Variants in SLC4A4 observed in about 807,000 individuals in gnomAD.
The protein encoded by SLC4A4 is solute carrier family 4 member 4.
Under a neutral mutation model 111.5 loss-of-function variants are expected in SLC4A4, and 27 were observed. The observed-to-expected ratio is 0.24, with a 90% CI of 0.18 to 0.33. The LOEUF (loss-of-function observed/expected upper bound fraction) is 0.33. Among genes scored for constraint, SLC4A4 ranks in the 10% least tolerant of loss-of-function variants. The probability of loss-of-function intolerance (pLI) is 1.00; values close to 1 mark genes in which losing one functional copy is unlikely to be tolerated. For missense variants in SLC4A4, 909 were observed against 1,315.5 expected (o/e 0.69, Z 4.78); for synonymous variants, 443 against 463.4 (o/e 0.96, Z 0.57).
intron 2 of SLC4A4, among the ~76,000 whole-genome samples, chr4:71,114,568 A>C (rs962575551): frequency 6.0e-5 from 9 of 150,874 alleles, no homozygotes; most frequent in African/African-American, 1.2e-4. Context: ...TTATGCAGTC[A>C]AAAAACACAT....
chr4:71,105,223 A>C (rs1486513837), intron 2 of SLC4A4, among the ~76,000 whole-genome samples: 1 of 150,120 alleles, frequency 6.7e-6, no homozygotes, highest in East Asian at 2.0e-4. Flanking sequence ...AGGGATGTGA[A>C]GGACCTCTTC....
intron 11 of SLC4A4, among the ~76,000 whole-genome samples, chr4:71,452,245 T>C (rs1006052360): frequency 6.6e-6 from 1 of 152,216 alleles, no homozygotes; most frequent in Non-Finnish European, 1.5e-5. Context: ...TCTGAAAGGA[T>C]AGAGAACATA....
intron 20 of SLC4A4, among the ~76,000 whole-genome samples, chr4:71,548,395 A>G (rs1354936806): frequency 6.6e-6 from 1 of 151,924 alleles, no homozygotes; most frequent in African/African-American, 2.4e-5. Flanking sequence ...AGATAGATAA[A>G]TGCAAACTGT....
chr4:71,260,634 TAC>T (rs1283934739), intron 3 of SLC4A4, among the ~76,000 whole-genome samples: 6 of 152,202 alleles, frequency 3.9e-5, no homozygotes, highest in African/African-American at 1.2e-4. Flanking sequence ...TTTTAAAACT[TAC>T]AGTTTGCCTT....
chr4:71,250,203 C>T (rs1317818344), intron 2 of SLC4A4, among the ~76,000 whole-genome samples: 1 of 152,078 alleles, frequency 6.6e-6, no homozygotes, highest in Non-Finnish European at 1.5e-5. Context: ...ATAGCTACAA[C>T]ATGTCTTGGG....
rs961247329 is a variant in SLC4A4, at chr4:71,533,944, A to G, written c.2281-283A>G. ...CTTTAAACTTAAATCAGTTTCTTCC[A>G]TTTTGAGTCCTTATCTTAAACCATC... On this transcript the variant is annotated intron_variant, in intron 17 of 25. Coordinates refer to ENST00000264485, the MANE Select transcript of SLC4A4 (RefSeq NM_001098484.3). Among the ~76,000 whole-genome samples the G allele has an allele frequency of 2.0e-5, 3 of 151,920 alleles. No homozygotes were observed. In the South Asian group the frequency reaches 6.2e-4, roughly 32 times the overall value.
chr4:71,467,643 A>G (rs4328885), intron 13 of SLC4A4, among the ~76,000 whole-genome samples: 62,937 of 151,956 alleles, frequency 0.41, 14,559 homozygotes, highest in East Asian at 0.65. Context: ...TTTCTAATGG[A>G]CATTGCAATT....
At chr4:71,567,150 G>A in intron 25 of SLC4A4, 67 bp downstream of exon 25, 1 of 1,243,360 alleles carries the variant, frequency 8.0e-7, no homozygotes, top group South Asian at 1.3e-5. Context: ...GTAGTTAATG[G>A]TGGGTTATTG....
intron 2 of SLC4A4, among the ~76,000 whole-genome samples, chr4:71,106,314 T>C (rs369591105): frequency 0.012 from 1,781 of 147,798 alleles, 21 homozygotes; most frequent in African/African-American, 0.04. Context: ...AACACTTTTA[T>C]ACTGTTGGTG....
intron 15 of SLC4A4, among the ~76,000 whole-genome samples, chr4:71,490,366 C>T (rs1164888834): frequency 1.3e-5 from 2 of 151,766 alleles, no homozygotes; most frequent in Non-Finnish European, 2.9e-5. Context: ...CCTTAAAATA[C>T]ACAGTTCTGA....
At chr4:71,485,061 A>T (rs115130706) in intron 14 of SLC4A4, among the ~76,000 whole-genome samples, 2,361 of 151,912 alleles carry the variant, frequency 0.016, 30 homozygotes, top group Middle Eastern at 0.054. Flanking sequence ...GGTTTTCTAG[A>T]TGCAGGATCA....
Position 71,411,283 on chromosome 4 carries a change from G to T in SLC4A4, c.807+13630G>T, listed in dbSNP as rs566072061. Among the ~76,000 whole-genome samples, 7 of 152,232 alleles carry T rather than the reference G, an allele frequency of 4.6e-5. No homozygotes were observed. In the South Asian group the frequency reaches 1.5e-3, roughly 32 times the overall value. ...ATGCTGCTTTTGTTCACTGAAATGT[G>T]CTTCCTTGTCCAGGCAACTGGTGTT... On this transcript the variant is annotated intron_variant, in intron 7 of 25. Coordinates refer to ENST00000264485, the MANE Select transcript of SLC4A4 (RefSeq NM_001098484.3).
chr4:71,212,427 G>A (rs4694386), intron 1 of SLC4A4, among the ~76,000 whole-genome samples: 18,117 of 152,196 alleles, frequency 0.12, 1,780 homozygotes, highest in African/African-American at 0.25. Context: ...CTGGAGCTGG[G>A]CAGAAGGTGG....
rs149527384 is a variant in SLC4A4 at position 71,491,269 on chromosome 4, C to A, written c.1974+4251C>A. ...CTAAATAAGTACATCAACAACTTAA[C>A]CTTGAGGCTTTTATTAGTGGTATCA... On this transcript the variant is annotated intron_variant, in intron 15 of 25. Coordinates refer to ENST00000264485, the MANE Select transcript of SLC4A4 (RefSeq NM_001098484.3). Among the ~76,000 whole-genome samples, 132 of 151,962 alleles carry A rather than the reference C, an allele frequency of 8.7e-4. 1 individual carries two copies. Among genetic ancestry groups the A allele is most frequent in the African/African-American group, 3.0e-3 (124 of 41,518 alleles).
chr4:71,477,756 C>T (rs538684312), intron 14 of SLC4A4, among the ~76,000 whole-genome samples: 7 of 151,944 alleles, frequency 4.6e-5, no homozygotes, highest in African/African-American at 1.7e-4. Context: ...CACTTGTTTT[C>T]TCTTCTGTCC....
intron 4 of SLC4A4, among the ~76,000 whole-genome samples, chr4:71,348,361 T>C (rs1234051478): frequency 6.7e-6 from 1 of 150,252 alleles, no homozygotes; most frequent in Non-Finnish European, 1.5e-5. Context: ...ACACTAGAAG[T>C]CTTTCATTCT....
intron 7 of SLC4A4, among the ~76,000 whole-genome samples, chr4:71,406,321 A>AG (rs1245723144): frequency 2.5e-4 from 3 of 11,798 alleles, no homozygotes; most frequent in Non-Finnish European, 7.9e-4. Context: ...ATGAGCCAAC[A>AG]CTTTTTTTTT....
chr4:71,156,113 G>A (rs1381561987), intron 2 of SLC4A4, among the ~76,000 whole-genome samples: 5 of 152,132 alleles, frequency 3.3e-5, no homozygotes, highest in Admixed American at 6.6e-5. Flanking sequence ...TGGACTTGTG[G>A]GAATGATGAT....
chr4:71,419,594 C>T (rs931782316), intron 7 of SLC4A4, among the ~76,000 whole-genome samples: 24 of 152,232 alleles, frequency 1.6e-4, no homozygotes, highest in Non-Finnish European at 2.8e-4. Flanking sequence ...CAGGTGCTGT[C>T]TGTCACTCCT....
Sources: gnomAD v4.1 joint callset for allele counts (sites outside exome capture counted in the v4.1 genomes callset) on GRCh38, gnomAD v4.1.1 for gene constraint, MANE v1.5 for transcripts, NCBI Gene and HGNC (gene_info 2026-07-23, HGNC 2026-07-21) for gene names.